The following LARP1B variants were observed in gnomAD, a reference collection of about 807,000 sequenced individuals.
LARP1B encodes the protein la-related protein 1B.
A neutral mutation model predicts 114.2 loss-of-function variants in LARP1B; 76 were observed. The observed-to-expected ratio is 0.67, with a 90% CI of 0.55 to 0.81. LARP1B has a LOEUF of 0.81. LARP1B is among the 30% of genes least tolerant of loss of function. LARP1B has a pLI of 0.00. For missense variants in LARP1B, 1,014 were observed against 1,075.8 expected (o/e 0.94, Z 0.80); for synonymous variants, 345 against 348.0 (o/e 0.99, Z 0.10).
intron 1 of LARP1B, chr4:128,069,294 G>A: frequency 2.3e-6 from 2 of 864,028 alleles, no homozygotes; most frequent in Non-Finnish European, 3.9e-6. Context: ...GACTTTTAGA[G>A]CCCCACAGTG....
At chr4:128,189,481 G>C (rs901696597) in intron 15 of LARP1B, among the ~76,000 whole-genome samples, 5 of 151,644 alleles carry the variant, frequency 3.3e-5, no homozygotes, top group Admixed American at 3.3e-4. Context: ...ACTCAGCCAT[G>C]CTTATATCTT....
At chr4:128,085,660 A>G (rs2149508379) in intron 5 of LARP1B, among the ~76,000 whole-genome samples, 1 of 152,280 alleles carries the variant, frequency 6.6e-6, no homozygotes. Flanking sequence ...GAGCCACCGC[A>G]CTTAGCTTCT....
At chr4:128,104,897 G>T (rs1781529403) in intron 8 of LARP1B, among the ~76,000 whole-genome samples, 2 of 152,196 alleles carry the variant, frequency 1.3e-5, no homozygotes, top group Admixed American at 1.3e-4. Flanking sequence ...GGGCATAAAT[G>T]TGTGATTACC....
At chr4:128,065,299 T>TCTCTC (rs1561011259) in intron 1 of LARP1B, among the ~76,000 whole-genome samples, 4 of 128,200 alleles carry the variant, frequency 3.1e-5, no homozygotes, top group African/African-American at 6.0e-5. Context: ...CTTTCTTTCT[T>TCTCTC]TCTTTCTTTC....
chr4:128,209,272 T>A (rs961142290), intron 19 of LARP1B, among the ~76,000 whole-genome samples: 3 of 151,918 alleles, frequency 2.0e-5, no homozygotes, highest in African/African-American at 7.3e-5. Flanking sequence ...TACGAAAAAA[T>A]TAACTGGGTG....
chr4:128,096,245 G>T (rs57767415), intron 7 of LARP1B, among the ~76,000 whole-genome samples: 2 of 151,858 alleles, frequency 1.3e-5, no homozygotes, highest in Non-Finnish European at 2.9e-5. Context: ...CGCCCGCCTC[G>T]GCCTCCCAAA....
chr4:128,219,796 AAAATAAATAAATAAAT>A lies in LARP1B; in HGVS notation n.849-538_849-523del, dbSNP rs368581014. On this transcript the variant is annotated intron_variant and non_coding_transcript_variant, in intron 6 of 7. Coordinates refer to the LARP1B transcript ENST00000503725. ...TGTACCCTAAAACTTAAAGTATAAT[AAAATAAATAAATAAAT>A]AAATAAATAAATAAATAAATGGAAT... 1.8e-4 allele frequency among the ~76,000 whole-genome samples: 26 copies of A among 147,926 alleles called. No individual in the cohort carries two copies. The Admixed American group carries it at 1.8e-3, about 10-fold the overall frequency.
At chr4:128,116,809 T>A (rs1476374354) in intron 10 of LARP1B, among the ~76,000 whole-genome samples, 1 of 152,204 alleles carries the variant, frequency 6.6e-6, no homozygotes, top group Non-Finnish European at 1.5e-5. Context: ...GGCATCATTT[T>A]TCTTTGGAAT....
At chr4:128,104,164 T>C (rs1781289270) in intron 8 of LARP1B, among the ~76,000 whole-genome samples, 1 of 151,972 alleles carries the variant, frequency 6.6e-6, no homozygotes, top group Non-Finnish European at 1.5e-5. Context: ...ATGTATACGG[T>C]CAGGTAACTG....
chr4:128,086,517 TG>T (rs1331191282), intron 5 of LARP1B, among the ~76,000 whole-genome samples: 5 of 151,954 alleles, frequency 3.3e-5, no homozygotes, highest in African/African-American at 1.2e-4. Context: ...TTTGTAGAGA[TG>T]GGGTTTCCCC....
chr4:128,179,279 A>G (rs190824083), intron 14 of LARP1B, 127 bp from the exon 15 acceptor site: 3 of 498,334 alleles, frequency 6.0e-6, no homozygotes, highest in East Asian at 3.4e-5. Context: ...GTGACTTCAT[A>G]TGATTTCACA....
intron 15 of LARP1B, among the ~76,000 whole-genome samples, chr4:128,191,796 T>C (rs951246298): frequency 3.3e-5 from 5 of 152,196 alleles, no homozygotes; most frequent in African/African-American, 1.2e-4. Flanking sequence ...TTCTTATGGG[T>C]TGAGGCAGGA....
At chr4:128,134,288 A>C (rs769563526) in intron 11 of LARP1B, among the ~76,000 whole-genome samples, 5 of 152,148 alleles carry the variant, frequency 3.3e-5, no homozygotes, top group Non-Finnish European at 7.3e-5. Flanking sequence ...GGTGTGAGCT[A>C]CTGAAGCTGG....
chr4:128,088,206 G>A (rs1305776421), intron 5 of LARP1B, among the ~76,000 whole-genome samples: 2 of 150,266 alleles, frequency 1.3e-5, no homozygotes, highest in Non-Finnish European at 2.9e-5. Context: ...CAATAATAAT[G>A]ATGATGATGA....
intron 8 of LARP1B, among the ~76,000 whole-genome samples, chr4:128,105,742 A>T (rs769531845): frequency 6.6e-6 from 1 of 152,046 alleles, no homozygotes; most frequent in Non-Finnish European, 1.5e-5. Context: ...GTACAAAAAA[A>T]TTAGCCGGGT....
chr4:128,213,392 T>A (rs926279543), downstream of LARP1B, among the ~76,000 whole-genome samples: 3 of 152,336 alleles, frequency 2.0e-5, no homozygotes, highest in Admixed American at 2.0e-4. Context: ...TTTGGAGTGA[T>A]TATCTCTTTC....
chr4:128,136,344 AAAAAC>A (rs1210360801), intron 11 of LARP1B, among the ~76,000 whole-genome samples: 1 of 151,678 alleles, frequency 6.6e-6, no homozygotes, highest in African/African-American at 2.4e-5. Context: ...AAACAAAACA[AAAAAC>A]AAAAAACAAA....
At chr4:128,221,316 AGGG>A (rs1344242332) in intron 7 of LARP1B, among the ~76,000 whole-genome samples, 1 of 152,216 alleles carries the variant, frequency 6.6e-6, no homozygotes, top group Non-Finnish European at 1.5e-5. Flanking sequence ...TAGTTTATTT[AGGG>A]TTATTATTGA....
chr4:128,182,907 C>A (rs950757775), intron 15 of LARP1B, among the ~76,000 whole-genome samples: 7 of 152,134 alleles, frequency 4.6e-5, no homozygotes, highest in African/African-American at 1.4e-4. Context: ...AAACCACCCC[C>A]AATATTCCCT....
Sources: gnomAD v4.1 joint callset for allele counts (sites outside exome capture counted in the v4.1 genomes callset) on GRCh38, gnomAD v4.1.1 for gene constraint, MANE v1.5 for transcripts, NCBI Gene and HGNC (gene_info 2026-07-23, HGNC 2026-07-21) for gene names.